The following RBFOX1 variants were observed in gnomAD, a reference collection of about 807,000 sequenced individuals.
RBFOX1 encodes RNA binding fox-1 homolog 1.
A neutral mutation model predicts 57.7 loss-of-function variants in RBFOX1; 8 were observed. The ratio of observed to expected loss-of-function variants is 0.14; its 90% CI spans 0.08 to 0.25. The LOEUF (loss-of-function observed/expected upper bound fraction) is 0.25. RBFOX1 is among the 10% of genes least tolerant of loss of function. The pLI is 1.00. For synonymous variants in RBFOX1, 326 were observed against 222.4 expected (o/e 1.47, Z -4.15); for missense variants, 611 against 548.5 (o/e 1.11, Z -1.14).
intron 2 of RBFOX1, among the ~76,000 whole-genome samples, chr16:6,487,529 G>C (rs902260709): frequency 6.6e-6 from 1 of 151,484 alleles, no homozygotes; most frequent in Non-Finnish European, 1.5e-5. Flanking sequence ...GAAAAGAGCT[G>C]TGGTTAGTTT....
chr16:7,193,581 C>G (rs911329502), intron 4 of RBFOX1, among the ~76,000 whole-genome samples: 3 of 152,164 alleles, frequency 2.0e-5, no homozygotes, highest in Admixed American at 1.3e-4. Context: ...ATTTTACATG[C>G]ATTACCGTCC....
intron 1 of RBFOX1, among the ~76,000 whole-genome samples, chr16:6,096,041 A>G (rs1302768236): frequency 1.3e-5 from 2 of 152,214 alleles, no homozygotes; most frequent in African/African-American, 4.8e-5. Context: ...TGGAGATACA[A>G]TGGAAGTCTC....
At chr16:6,297,675 CCT>C (rs1471340607) in intron 1 of RBFOX1, among the ~76,000 whole-genome samples, 1 of 152,032 alleles carries the variant, frequency 6.6e-6, no homozygotes, top group Non-Finnish European at 1.5e-5. Flanking sequence ...ACCACACCCC[CCT>C]ATCCTATACC....
chr16:7,605,663 C>A (rs1040221737), intron 9 of RBFOX1, among the ~76,000 whole-genome samples: 1 of 152,154 alleles, frequency 6.6e-6, no homozygotes, highest in Non-Finnish European at 1.5e-5. Context: ...AAAATCACAC[C>A]TCTCTCTTCT....
chr16:7,485,922 A>T (rs2065241466), intron 4 of RBFOX1, among the ~76,000 whole-genome samples: 1 of 152,136 alleles, frequency 6.6e-6, no homozygotes, highest in African/African-American at 2.4e-5. Context: ...ATTTATTTAC[A>T]TATTGTTCAT....
chr16:6,263,996 G>A (rs1320636429), intron 1 of RBFOX1, among the ~76,000 whole-genome samples: 1 of 152,110 alleles, frequency 6.6e-6, no homozygotes, highest in Non-Finnish European at 1.5e-5. Context: ...TTTTTTTAAG[G>A]ATTTACCTTA....
intron 3 of RBFOX1, among the ~76,000 whole-genome samples, chr16:5,837,597 C>T (rs933268666): frequency 4.3e-5 from 6 of 140,312 alleles, no homozygotes; most frequent in African/African-American, 1.5e-4. Context: ...GTCTTGATGC[C>T]AGCCCCCTCT....
At chr16:6,518,202 G>T (rs1298668049) in intron 2 of RBFOX1, among the ~76,000 whole-genome samples, 2 of 152,156 alleles carry the variant, frequency 1.3e-5, no homozygotes, top group Non-Finnish European at 2.9e-5. Context: ...ACTTGATAAG[G>T]TTTTATTGAT....
intron 3 of RBFOX1, among the ~76,000 whole-genome samples, chr16:5,760,233 C>T (rs764635128): frequency 3.3e-5 from 5 of 152,034 alleles, no homozygotes; most frequent in African/African-American, 1.2e-4. Context: ...AATCTATGGT[C>T]CCAGGCAAAC....
intron 2 of RBFOX1, among the ~76,000 whole-genome samples, chr16:6,580,161 G>T (rs2097515275): frequency 6.6e-6 from 1 of 152,018 alleles, no homozygotes; most frequent in Non-Finnish European, 1.5e-5. Flanking sequence ...GTTTCACCAT[G>T]TCAGCCAGGC....
At position 6,589,558 on chromosome 16, in the gene RBFOX1, G is replaced by C. The variant is rs566801188; in HGVS notation, c.-63-65045G>C. ...GAGTCTGCAAAATATCTCGACCACT[G>C]GTCTTATATTTTACAATAGTGGTGT... On this transcript the variant is annotated intron_variant, in intron 2 of 15. Transcript: ENST00000550418. 1.7e-4 allele frequency among the ~76,000 whole-genome samples: 26 copies of C among 152,284 alleles called. No homozygotes were observed. In the South Asian group the frequency reaches 5.4e-3, roughly 32 times the overall value.
intron 1 of RBFOX1, among the ~76,000 whole-genome samples, chr16:6,106,632 G>C (rs536873904): frequency 1.3e-5 from 2 of 152,198 alleles, no homozygotes; most frequent in South Asian, 4.2e-4. Flanking sequence ...CATCTCTTAT[G>C]GAAGTATGCA....
At chr16:7,014,508 T>C (rs1024335691) in intron 3 of RBFOX1, among the ~76,000 whole-genome samples, 6 of 152,066 alleles carry the variant, frequency 3.9e-5, no homozygotes, top group African/African-American at 1.4e-4. Flanking sequence ...CCCACAGTGC[T>C]AGGATTACAG....
At chr16:6,656,372 C>G (rs528941266) in intron 3 of RBFOX1, among the ~76,000 whole-genome samples, 2 of 152,242 alleles carry the variant, frequency 1.3e-5, no homozygotes, top group South Asian at 2.1e-4. Flanking sequence ...TTAGAACAAC[C>G]TGAGCTCCAT....
intron 1 of RBFOX1, among the ~76,000 whole-genome samples, chr16:6,234,449 C>T (rs1257501263): frequency 2.0e-5 from 3 of 152,134 alleles, no homozygotes; most frequent in African/African-American, 7.2e-5. Context: ...ACCCTTCCTG[C>T]CACTTAGCAT....
At chr16:6,540,268 G>T (rs892063687) in intron 2 of RBFOX1, among the ~76,000 whole-genome samples, 1 of 150,986 alleles carries the variant, frequency 6.6e-6, no homozygotes, top group African/African-American at 2.4e-5. Context: ...TCCCTCAATT[G>T]TTCTTTATTC....
intron 1 of RBFOX1, among the ~76,000 whole-genome samples, chr16:6,299,481 A>C (rs914455752): frequency 6.6e-5 from 10 of 152,166 alleles, no homozygotes; most frequent in African/African-American, 2.2e-4. Flanking sequence ...CCAAGGTCAC[A>C]GCGCCAGCAC....
chr16:7,000,546 G>C (rs1280771945), intron 3 of RBFOX1, among the ~76,000 whole-genome samples: 1 of 148,740 alleles, frequency 6.7e-6, no homozygotes, highest in Non-Finnish European at 1.5e-5. Flanking sequence ...TTTTGCTTTT[G>C]GCAAAAACAC....
intron 3 of RBFOX1, among the ~76,000 whole-genome samples, chr16:5,826,256 T>G (rs994837838): frequency 4.6e-5 from 7 of 152,020 alleles, no homozygotes; most frequent in Admixed American, 2.0e-4. Context: ...CTTAGCACTT[T>G]TTATCTAACA....
Sources: allele counts gnomAD v4.1 joint callset (sites outside exome capture counted in the v4.1 genomes callset), GRCh38; gene constraint gnomAD v4.1.1; transcripts MANE v1.5; gene names NCBI Gene and HGNC (gene_info 2026-07-23, HGNC 2026-07-21).